RANBP2: variants seen among roughly 807,000 people sequenced by gnomAD.
RANBP2 encodes the protein RAN binding protein 2, also known as E3 SUMO-protein ligase RanBP2.
In RANBP2, 57 loss-of-function variants were observed where a neutral mutation model predicts 303.6. That is an observed-to-expected ratio of 0.19 (90% CI 0.15 to 0.23). The LOEUF is 0.23. Ranked by LOEUF, RANBP2 falls within the 10% of genes least tolerant of loss-of-function variation. The pLI is 1.00. For missense variants in RANBP2, 3,138 were observed against 3,780.8 expected, an observed-to-expected ratio of 0.83 and a Z score of 4.46; for synonymous variants, 1,167 against 1,301.5, an observed-to-expected ratio of 0.90 and a Z score of 2.23.
At chr2:108,796,086 G>A in the RANBP2 span, among the ~76,000 whole-genome samples, 1 of 152,088 alleles carries the variant, frequency 6.6e-6, no homozygotes, top group Admixed American at 6.5e-5. Context: ...GTCTCACTCT[G>A]TGCCCAGGCT....
At chr2:108,899,866 A>G in the RANBP2 span, among the ~76,000 whole-genome samples, 1 of 152,068 alleles carries the variant, frequency 6.6e-6, no homozygotes, top group East Asian at 1.9e-4. Flanking sequence ...CACACCTGTA[A>G]TCCCAGCTAC....
the RANBP2 span, among the ~76,000 whole-genome samples, chr2:109,378,049 C>T: frequency 6.6e-6 from 1 of 152,386 alleles, no homozygotes; most frequent in Non-Finnish European, 1.5e-5. Context: ...TGTGGGTTTT[C>T]GGCCCTTGCC....
At chr2:109,131,522 A>G in the RANBP2 span, among the ~76,000 whole-genome samples, 1 of 152,176 alleles carries the variant, frequency 6.6e-6, no homozygotes, top group Admixed American at 6.5e-5. Flanking sequence ...CCCCGCTTCT[A>G]GTAAAACGCT....
At chr2:109,192,369 C>G in the RANBP2 span, among the ~76,000 whole-genome samples, 1 of 152,200 alleles carries the variant, frequency 6.6e-6, no homozygotes, top group African/African-American at 2.4e-5. Context: ...GAGCAGGCAT[C>G]ATTCTCAAAA....
At chr2:108,783,365 A>T (rs1205212737) in intron 28 of RANBP2, among the ~76,000 whole-genome samples, 1 of 145,190 alleles carries the variant, frequency 6.9e-6, no homozygotes, top group African/African-American at 2.6e-5. Context: ...AAAAAAAATC[A>T]AATTTTCAGT....
chr2:108,788,105 G>A, downstream of RANBP2: 2 of 1,600,742 alleles, frequency 1.2e-6, no homozygotes, highest in South Asian at 1.1e-5. Context: ...CCGGTATTTT[G>A]TATATTTGGG....
chr2:109,449,317 A>G, the RANBP2 span: 3 of 1,606,618 alleles, frequency 1.9e-6, no homozygotes, highest in African/African-American at 4.0e-5. Context: ...CCCCCGGTGC[A>G]GATGTGCCCA....
the RANBP2 span, among the ~76,000 whole-genome samples, chr2:109,411,107 C>G: frequency 6.6e-6 from 1 of 152,218 alleles, no homozygotes; most frequent in South Asian, 2.1e-4. Context: ...GGCCAAGCAC[C>G]ATGGTTGGAG....
the RANBP2 span, among the ~76,000 whole-genome samples, chr2:109,580,406 C>T: frequency 6.8e-6 from 1 of 147,286 alleles, no homozygotes; most frequent in Non-Finnish European, 1.5e-5. Flanking sequence ...AAAAAAAGAA[C>T]TTTTACTAAT....
chr2:109,479,377 C>T, the RANBP2 span, among the ~76,000 whole-genome samples: 1 of 152,168 alleles, frequency 6.6e-6, no homozygotes, highest in South Asian at 2.1e-4. Flanking sequence ...TACAATTTGC[C>T]ACATGATCTA....
chr2:108,727,109 C>T (rs1345776713), intron 1 of RANBP2, among the ~76,000 whole-genome samples: 8 of 152,266 alleles, frequency 5.3e-5, no homozygotes, highest in South Asian at 4.1e-4. Flanking sequence ...TCCACAAAAC[C>T]GCCATTGTCA....
rs770758348 is a variant in RANBP2 at position 108,767,460 on chromosome 2, A to T, written c.6921A>T (p.Gly2307=). 2.5e-6 allele frequency: 4 copies of T among 1,611,976 alleles called. No individual in the cohort carries two copies. The East Asian group carries it at 8.9e-5, about 36-fold the overall frequency. The change falls in exon 20 of 29, where the codon GGA becomes GGT. Residue 2307 remains glycine, a synonymous_variant. Transcript: ENST00000283195. ...SDVTQEEERD[G]QYFEPVVPLP... ...TTACTCAAGAAGAAGAGAGAGATGG[A>T]CAGTACTTTGAACCTGTTGTTCCTT...
chr2:109,081,138 G>A, the RANBP2 span, among the ~76,000 whole-genome samples: 1 of 152,198 alleles, frequency 6.6e-6, no homozygotes, highest in Non-Finnish European at 1.5e-5. Context: ...TCTCACTCAG[G>A]TTAAAATGAT....
In RANBP2 at chr2:108,777,242, G is replaced by A; in HGVS notation, c.8599+11G>A. 6.2e-7 allele frequency: 1 copy of A among 1,601,070 alleles called. No individual in the cohort carries two copies. On this transcript the variant is annotated intron_variant, in intron 25 of 28. Transcript: ENST00000283195. ...CTTTTGGTTCTAAAGGTAAGATCAA[G>A]AGGAGAGACTTTTAATGACATTGTT...
chr2:108,846,651 T>C, the RANBP2 span: 2 of 1,198,866 alleles, frequency 1.7e-6, no homozygotes, highest in Admixed American at 2.3e-5. Flanking sequence ...CATTCCAACC[T>C]GGGCAACAGA....
chr2:108,787,686 C>G (rs1001941488), downstream of RANBP2, among the ~76,000 whole-genome samples: 6 of 152,060 alleles, frequency 3.9e-5, no homozygotes, highest in African/African-American at 1.2e-4. Context: ...GGAACAGGTT[C>G]ACAGCCTTTG....
the RANBP2 span, among the ~76,000 whole-genome samples, chr2:108,953,325 TC>T: frequency 1.3e-5 from 2 of 152,170 alleles, no homozygotes; most frequent in Non-Finnish European, 2.9e-5. Context: ...CCGGTAAACT[TC>T]ATGCTGATTT....
the RANBP2 span, among the ~76,000 whole-genome samples, chr2:109,582,777 A>G: frequency 2.0e-5 from 3 of 152,232 alleles, no homozygotes; most frequent in African/African-American, 7.2e-5. Flanking sequence ...ACTTCAAACT[A>G]TACTATAAGG....
the RANBP2 span, among the ~76,000 whole-genome samples, chr2:109,113,368 T>G: frequency 6.6e-6 from 1 of 152,032 alleles, no homozygotes; most frequent in African/African-American, 2.4e-5. Flanking sequence ...TAAGTTGGAT[T>G]CCTAGGTATT....
Sources: gnomAD v4.1 joint callset for allele counts (sites outside exome capture counted in the v4.1 genomes callset) on GRCh38, gnomAD v4.1.1 for gene constraint, MANE v1.5 for transcripts, NCBI Gene and HGNC (gene_info 2026-07-23, HGNC 2026-07-21) for gene names.